DKK2: variants seen among roughly 807,000 people sequenced by gnomAD.
DKK2 encodes the protein dickkopf-related protein 2.
In DKK2, 11 loss-of-function variants were observed where a neutral mutation model predicts 28.1. That is an observed-to-expected ratio of 0.39 (90% confidence interval 0.25 to 0.65). The LOEUF (loss-of-function observed/expected upper bound fraction) is 0.65. DKK2 is among the 30% of genes least tolerant of loss of function. The pLI, the probability that DKK2 is intolerant of heterozygous loss-of-function variation, is 0.47. For synonymous variants in DKK2, 135 were observed against 126.5 expected (o/e 1.07, Z -0.45); for missense variants, 326 against 335.5 (o/e 0.97, Z 0.22).
chr4:106,971,245 C>T (rs951063547), intron 1 of DKK2, among the ~76,000 whole-genome samples: 1 of 152,002 alleles, frequency 6.6e-6, no homozygotes, highest in Non-Finnish European at 1.5e-5. Flanking sequence ...TGAGCCATTC[C>T]CTCTTGATAT....
intron 1 of DKK2, among the ~76,000 whole-genome samples, chr4:107,011,336 G>C (rs1402884232): frequency 1.3e-5 from 2 of 151,442 alleles, no homozygotes; most frequent in African/African-American, 4.8e-5. Context: ...TGCGGACCTA[G>C]AAAGCTCAAA....
At chr4:107,015,340 T>C (rs1242200454) in intron 1 of DKK2, among the ~76,000 whole-genome samples, 1 of 151,626 alleles carries the variant, frequency 6.6e-6, no homozygotes, top group Non-Finnish European at 1.5e-5. Context: ...TTATTAGCCA[T>C]TATTTTGCTT....
chr4:107,001,002 G>A (rs1460363125), intron 1 of DKK2, among the ~76,000 whole-genome samples: 2 of 151,324 alleles, frequency 1.3e-5, no homozygotes, highest in African/African-American at 4.9e-5. Flanking sequence ...TCTATGGATT[G>A]ATTTCTTTTT....
intron 1 of DKK2, among the ~76,000 whole-genome samples, chr4:106,943,503 AT>A (rs954165032): frequency 6.6e-6 from 1 of 152,162 alleles, no homozygotes; most frequent in Non-Finnish European, 1.5e-5. Context: ...CTTTGTGGAT[AT>A]TTTTAAATTG....
chr4:107,030,024 G>T (rs568309366), intron 1 of DKK2, among the ~76,000 whole-genome samples: 2 of 152,032 alleles, frequency 1.3e-5, no homozygotes, highest in African/African-American at 4.8e-5. Flanking sequence ...AATATAATCT[G>T]TTGTGCAGAT....
In DKK2 at chr4:106,997,884, G is replaced by A. The variant is rs145830394; in HGVS notation, c.222+37486C>T. Among the ~76,000 whole-genome samples the A allele has an allele frequency of 4.5e-4, 68 of 152,206 alleles. No individual in the cohort carries two copies. In the East Asian group the frequency reaches 0.012, roughly 26 times the overall value. ...CCCACCAAATTACAACTGACTAAAT[G>A]TACCTATTTTGTGAAAATGGATTCC... On this transcript the variant is annotated intron_variant, in intron 1 of 3. Coordinates refer to ENST00000285311, the MANE Select transcript of DKK2 (RefSeq NM_014421.3).
chr4:106,940,313 C>T (rs1231597049), intron 1 of DKK2, among the ~76,000 whole-genome samples: 2 of 152,180 alleles, frequency 1.3e-5, no homozygotes, highest in African/African-American at 2.4e-5. Flanking sequence ...TGAACAGACA[C>T]GTCTCAAAAG....
At chr4:106,928,630 C>CA (rs1307996910) in intron 1 of DKK2, among the ~76,000 whole-genome samples, 1 of 152,028 alleles carries the variant, frequency 6.6e-6, no homozygotes, top group African/African-American at 2.4e-5. Flanking sequence ...TATTTGGGGG[C>CA]ATGCCTTGCC....
chr4:106,946,037 A>C (rs1724771087), intron 1 of DKK2, among the ~76,000 whole-genome samples: 1 of 152,176 alleles, frequency 6.6e-6, no homozygotes, highest in South Asian at 2.1e-4. Flanking sequence ...GGCTCCTGGA[A>C]ACTACAGATA....
chr4:107,027,562 C>T (rs1007764404), intron 1 of DKK2, among the ~76,000 whole-genome samples: 5 of 152,050 alleles, frequency 3.3e-5, no homozygotes, highest in African/African-American at 2.4e-5. Flanking sequence ...TGTCAGCCTT[C>T]CAAAATCCTA....
intron 1 of DKK2, among the ~76,000 whole-genome samples, chr4:106,979,738 C>T (rs1229592736): frequency 2.6e-5 from 4 of 152,362 alleles, no homozygotes; most frequent in Middle Eastern, 3.4e-3. Context: ...AACACACATG[C>T]AGATGCTGTG....
chr4:106,956,776 T>G (rs1163713237), intron 1 of DKK2, among the ~76,000 whole-genome samples: 1 of 151,638 alleles, frequency 6.6e-6, no homozygotes, highest in Non-Finnish European at 1.5e-5. Context: ...GACTTAAACA[T>G]TAGACCTAAA....
intron 1 of DKK2, among the ~76,000 whole-genome samples, chr4:106,968,357 T>C (rs546349965): frequency 6.6e-6 from 1 of 152,228 alleles, no homozygotes; most frequent in East Asian, 1.9e-4. Flanking sequence ...GCCATTTTTA[T>C]AGATGGGGAT....
chr4:107,035,054 G>C (rs529683415), intron 1 of DKK2, among the ~76,000 whole-genome samples: 3 of 152,280 alleles, frequency 2.0e-5, no homozygotes, highest in Non-Finnish European at 4.4e-5. Flanking sequence ...TTCATCAGTT[G>C]CATCACAGTG....
chr4:107,004,587 A>G (rs999996325), intron 1 of DKK2, among the ~76,000 whole-genome samples: 3 of 152,210 alleles, frequency 2.0e-5, no homozygotes, highest in African/African-American at 7.2e-5. Context: ...AAGACATGGC[A>G]AACAAAATAA....
At chr4:106,981,919 A>AT (rs1283867163) in intron 1 of DKK2, among the ~76,000 whole-genome samples, 1 of 152,070 alleles carries the variant, frequency 6.6e-6, no homozygotes, top group Admixed American at 6.6e-5. Context: ...AATATGCAAT[A>AT]TTTTTTCCTT....
At chr4:106,984,455 C>T (rs1354023858) in intron 1 of DKK2, among the ~76,000 whole-genome samples, 1 of 152,168 alleles carries the variant, frequency 6.6e-6, no homozygotes, top group Non-Finnish European at 1.5e-5. Context: ...TTACCTGTGT[C>T]TGGTTTATTT....
chr4:106,993,370 A>C (rs1723230765), intron 1 of DKK2, among the ~76,000 whole-genome samples: 1 of 152,224 alleles, frequency 6.6e-6, no homozygotes, highest in African/African-American at 2.4e-5. Context: ...TTTCCCAATT[A>C]ACCCACTACT....
chr4:107,000,447 G>A (rs909322972), intron 1 of DKK2, among the ~76,000 whole-genome samples: 1 of 152,082 alleles, frequency 6.6e-6, no homozygotes, highest in Admixed American at 6.6e-5. Context: ...ACTACTTTTA[G>A]CACATGCAAC....
Sources: gnomAD v4.1 joint callset for allele counts (sites outside exome capture counted in the v4.1 genomes callset) on GRCh38, gnomAD v4.1.1 for gene constraint, MANE v1.5 for transcripts, NCBI Gene and HGNC (gene_info 2026-07-23, HGNC 2026-07-21) for gene names.